The following TTBK2 variants were observed in gnomAD, a reference collection of about 807,000 sequenced individuals.
The protein encoded by TTBK2 is tau tubulin kinase 2, also known as tau-tubulin kinase 2.
Under a neutral mutation model 110.8 loss-of-function variants are expected in TTBK2, and 28 were observed. That is an observed-to-expected ratio of 0.25 (90% CI 0.19 to 0.35). The LOEUF (loss-of-function observed/expected upper bound fraction) is 0.35, where lower values mean the gene tolerates loss of function less well. Among genes scored for constraint, TTBK2 ranks in the 10% least tolerant of loss-of-function variants. TTBK2 has a pLI of 1.00. For synonymous variants in TTBK2, 532 were observed against 527.3 expected, an observed-to-expected ratio of 1.01 and a Z score of -0.12; for missense variants, 1,369 against 1,500.3, an observed-to-expected ratio of 0.91 and a Z score of 1.45.
At chr15:42,855,683 TA>T (rs1419414348) in intron 3 of TTBK2, among the ~76,000 whole-genome samples, 2 of 152,144 alleles carry the variant, frequency 1.3e-5, no homozygotes, top group African/African-American at 4.8e-5. Flanking sequence ...ATTTATTTAT[TA>T]TATATTGATT....
In TTBK2 at chr15:42,783,313, A is replaced by C. The variant is rs1890255795; in HGVS notation, c.1197+106T>G. 2.7e-6 allele frequency: 3 copies of C among 1,116,236 alleles called. No homozygotes were observed. In the Admixed American group the frequency reaches 5.2e-5, roughly 19 times the overall value. 69.1% of individuals were successfully genotyped at this position (1,116,236 alleles called of 1,614,324 possible). A position where few individuals can be genotyped will look rare whatever the true frequency, so the allele number is the denominator to read the frequency against. ...TGAGGACTCAGCAAGGAGGAGCCAC[A>C]AAACAGCCCTCACCAGATACCAAAT... On this transcript the variant is annotated intron_variant, in intron 11 of 14. Coordinates refer to ENST00000267890, the MANE Select transcript of TTBK2 (RefSeq NM_173500.4).
intron 13 of TTBK2, among the ~76,000 whole-genome samples, chr15:42,760,865 A>T (rs1474995304): frequency 2.6e-5 from 4 of 152,202 alleles, no homozygotes; most frequent in African/African-American, 9.6e-5. Context: ...ATCTAAAGCA[A>T]TCCTAAGCAA....
At chr15:42,822,403 T>C (rs1892343336) in intron 6 of TTBK2, among the ~76,000 whole-genome samples, 1 of 152,168 alleles carries the variant, frequency 6.6e-6, no homozygotes, top group Non-Finnish European at 1.5e-5. Context: ...TGAGCATATT[T>C]TATTTGATAC....
In TTBK2 at chr15:42,795,226, G is replaced by A. The variant is rs1031250995; in HGVS notation, c.823-425C>T. On this transcript the variant is annotated intron_variant, in intron 9 of 14. Transcript: ENST00000267890. ...TTAACATGTAACGTGTCTAGGTAAG[G>A]GGAATATAGAAGTTCATTGTGCTTT... 1.6e-4 allele frequency among the ~76,000 whole-genome samples: 24 copies of A among 151,572 alleles called. No homozygotes were observed. The East Asian group carries it at 4.6e-3, about 29-fold the overall frequency.
rs2061755772 is a variant in TTBK2, at chr15:42,742,183, G to A, written c.*3612C>T. ...TTTGAAAGCAAATAATATAAAGCGA[G>A]TAATGTCTACAGTGGGTCTCAGTTA... On this transcript the variant is annotated 3_prime_UTR_variant, in exon 15 of 15. Coordinates refer to ENST00000267890, the MANE Select transcript of TTBK2 (RefSeq NM_173500.4). 1 of 152,210 alleles carries A rather than the reference G, an allele frequency of 6.6e-6. No individual in the cohort carries two copies. The highest frequency in any genetic ancestry group is 2.4e-5 in the African/African-American group (1 of 41,448). 9.4% of individuals were successfully genotyped at this position (152,210 alleles called of 1,614,324 possible).
chr15:42,920,445 G>T lies in TTBK2; in HGVS notation c.-75C>A, dbSNP rs1345757338. On this transcript the variant is annotated 5_prime_UTR_variant, in exon 1 of 15. Coordinates refer to ENST00000267890, the MANE Select transcript of TTBK2 (RefSeq NM_173500.4). ...TCGGGGGGTGTGTCCTACCTGGGCCGTGGCGGACGCAGGGGTTTCTGGAGG... is the reference window on the plus strand; with the variant it reads ...TCGGGGGGTGTGTCCTACCTGGGCCTTGGCGGACGCAGGGGTTTCTGGAGG... 6.6e-6 allele frequency: 1 copy of T among 152,546 alleles called. No homozygotes were observed. The highest frequency in any genetic ancestry group is 1.5e-5 in the Non-Finnish European group (1 of 68,360). The allele number at this position is 152,546 out of a possible 1,614,324, so 9.4% of individuals were successfully genotyped here. A position where few individuals can be genotyped will look rare whatever the true frequency, so the allele number is the denominator to read the frequency against.
At chr15:42,816,077 AATAAATAAATATATAT>A (rs1213960574) in intron 7 of TTBK2, among the ~76,000 whole-genome samples, 1 of 63,056 alleles carries the variant, frequency 1.6e-5, no homozygotes, top group East Asian at 5.4e-4. Flanking sequence ...TATAAAAATA[AATAAATAAATATATAT>A]ATATATATAT....
At chr15:42,899,170 AT>A (rs150495511) in intron 1 of TTBK2, among the ~76,000 whole-genome samples, 3 of 150,256 alleles carry the variant, frequency 2.0e-5, no homozygotes, top group Non-Finnish European at 4.5e-5. Context: ...TTTTTTTCAT[AT>A]TTTTTTTTGT....
chr15:42,777,890 C>G (rs1047760020), intron 11 of TTBK2, among the ~76,000 whole-genome samples: 47 of 152,074 alleles, frequency 3.1e-4, no homozygotes, highest in African/African-American at 1.1e-3. Context: ...CAAGAGGATG[C>G]CTAACTGGCT....
rs976801540 is a variant in TTBK2 at position 42,742,139 on chromosome 15, A to G, written c.*3656T>C. Reference sequence around the variant, plus strand: ...CACTGTACACCTAGAGCGCTGAATTAGCAGCTGAGGTTTTAGTATTTGAAA... The same window carrying G: ...CACTGTACACCTAGAGCGCTGAATTGGCAGCTGAGGTTTTAGTATTTGAAA... On this transcript the variant is annotated 3_prime_UTR_variant, in exon 15 of 15. Transcript: ENST00000267890. 6.6e-6 allele frequency: 1 copy of G among 152,260 alleles called. No homozygotes were observed. The highest frequency in any genetic ancestry group is 1.5e-5 in the Non-Finnish European group (1 of 68,044). The allele number at this position is 152,260 out of a possible 1,614,324, so 9.4% of individuals were successfully genotyped here. A position where few individuals can be genotyped will look rare whatever the true frequency, so the allele number is the denominator to read the frequency against.
intron 7 of TTBK2, 149 bp from the exon 8 acceptor site, chr15:42,811,929 T>TATAA: frequency 2.1e-6 from 1 of 483,266 alleles, no homozygotes; most frequent in Non-Finnish European, 3.5e-6. Flanking sequence ...TATATATATA[T>TATAA]ATAAATTTAC....
At chr15:42,794,576 T>C (rs1890848821) in intron 10 of TTBK2, 68 bp downstream of exon 10, 3 of 1,609,310 alleles carry the variant, frequency 1.9e-6, no homozygotes, top group Non-Finnish European at 2.6e-6. Flanking sequence ...GGAATCTGGA[T>C]GAAGTAAATT....
In TTBK2 at chr15:42,777,145, T is replaced by C; in HGVS notation, c.1295A>G (p.Gln432Arg). 6.2e-7 allele frequency: 1 copy of C among 1,614,242 alleles called. No individual in the cohort carries two copies. Among genetic ancestry groups the C allele is most frequent in the Admixed American group, 1.7e-5 (1 of 60,032 alleles). Residue 432 changes from glutamine to arginine, a missense_variant, in exon 12 of 15, where the codon CAG becomes CGG. Gln to Arg is a conservative substitution (Grantham distance 43). Transcript: ENST00000267890. ...SPIRVRSEITQPDRDIPLVRK... is the reference protein window; with the variant it reads ...SPIRVRSEITRPDRDIPLVRK... ...CACCAGTGGAATATCTCTGTCTGGC[T>C]GAGTAATCTCTGAGCGGACACGAAT... is the stretch of plus-strand genomic sequence containing the variant.
rs1234893708 is a variant in TTBK2 at position 42,892,482 on chromosome 15, G to A, written c.-67-13798C>T. 5.9e-5 allele frequency among the ~76,000 whole-genome samples: 9 copies of A among 151,974 alleles called. No homozygotes were observed. In the East Asian group the frequency reaches 1.7e-3, roughly 29 times the overall value. On this transcript the variant is annotated intron_variant, in intron 1 of 14. Transcript: ENST00000267890. The stretch of plus-strand genomic sequence containing the variant: ...AGCATTTTGGGAGGCCGAGGCAGGT[G>A]GATTGATTGAGCTCAGGGGTTCAAG...
At chr15:42,820,698 TGC>T (rs1892251585) in intron 6 of TTBK2, among the ~76,000 whole-genome samples, 1 of 149,920 alleles carries the variant, frequency 6.7e-6, no homozygotes, top group Non-Finnish European at 1.5e-5. Context: ...ACTCTGAAGC[TGC>T]AAAAAAAAAA....
At chr15:42,746,777 C>T (rs1371455432) in intron 14 of TTBK2, among the ~76,000 whole-genome samples, 1 of 151,848 alleles carries the variant, frequency 6.6e-6, no homozygotes, top group Non-Finnish European at 1.5e-5. Flanking sequence ...ACATGAACTA[C>T]ACTCAGCAAC....
intron 2 of TTBK2, among the ~76,000 whole-genome samples, chr15:42,877,216 A>G (rs1894850667): frequency 6.6e-6 from 1 of 152,228 alleles, no homozygotes; most frequent in Non-Finnish European, 1.5e-5. Context: ...GATCATCAAT[A>G]GTGTTAACAC....
intron 3 of TTBK2, chr15:42,855,272 C>T (rs1170025996): frequency 6.6e-6 from 1 of 152,072 alleles, no homozygotes; most frequent in African/African-American, 2.4e-5. Context: ...AGGCAAAATA[C>T]AGTCCTTATT....
At chr15:42,797,074 G>A (rs751352695) in intron 9 of TTBK2, among the ~76,000 whole-genome samples, 1 of 152,202 alleles carries the variant, frequency 6.6e-6, no homozygotes, top group Admixed American at 6.6e-5. Flanking sequence ...GGAACCTAGG[G>A]AATTGAAGTG....
Sources: gnomAD v4.1 joint callset for allele counts (sites outside exome capture counted in the v4.1 genomes callset) on GRCh38, gnomAD v4.1.1 for gene constraint, MANE v1.5 for transcripts, NCBI Gene and HGNC (gene_info 2026-07-23, HGNC 2026-07-21) for gene names.